The following SLC24A2 variants were observed in gnomAD, a reference collection of about 807,000 sequenced individuals.
SLC24A2 encodes the protein solute carrier family 24 member 2.
A neutral mutation model predicts 62.0 loss-of-function variants in SLC24A2; 36 were observed. The observed-to-expected ratio is 0.58, with a 90% confidence interval of 0.44 to 0.77. The LOEUF is 0.77. Ranked by LOEUF, SLC24A2 falls within the 30% of genes least tolerant of loss-of-function variation. The pLI is 0.00. For missense variants in SLC24A2, 846 were observed against 817.9 expected (o/e 1.03, Z -0.42); for synonymous variants, 358 against 294.0 (o/e 1.22, Z -2.23).
At chr9:19,988,259 T>C in the SLC24A2 span, among the ~76,000 whole-genome samples, 1 of 152,164 alleles carries the variant, frequency 6.6e-6, no homozygotes, top group Admixed American at 6.5e-5. Context: ...TTCCCTCTCC[T>C]CTTTTGTAGA....
intron 7 of SLC24A2, among the ~76,000 whole-genome samples, chr9:19,551,514 T>A (rs1424161964): frequency 6.6e-6 from 1 of 152,138 alleles, no homozygotes; most frequent in Non-Finnish European, 1.5e-5. Flanking sequence ...CCTGCTTGTT[T>A]GAAAATGAAA....
the SLC24A2 span, among the ~76,000 whole-genome samples, chr9:20,246,069 A>T: frequency 6.6e-6 from 1 of 152,216 alleles, no homozygotes; most frequent in African/African-American, 2.4e-5. Flanking sequence ...AAAAGAAATA[A>T]GATCATGTGT....
the SLC24A2 span, among the ~76,000 whole-genome samples, chr9:20,078,429 C>G: frequency 6.6e-6 from 1 of 151,104 alleles, no homozygotes; most frequent in African/African-American, 2.4e-5. Context: ...GCATAGGTTT[C>G]TGGGGCTTTT....
the SLC24A2 span, among the ~76,000 whole-genome samples, chr9:20,051,401 G>A: frequency 3.3e-5 from 5 of 151,848 alleles, no homozygotes; most frequent in African/African-American, 1.2e-4. Context: ...TCATGAAACT[G>A]GGACATTTTA....
At chr9:20,218,503 G>T in the SLC24A2 span, among the ~76,000 whole-genome samples, 8 of 152,072 alleles carry the variant, frequency 5.3e-5, no homozygotes, top group Non-Finnish European at 1.0e-4. Context: ...ACCCACCCTG[G>T]AAGAGTCTCT....
At chr9:19,824,915 C>T in the SLC24A2 span, among the ~76,000 whole-genome samples, 23 of 152,090 alleles carry the variant, frequency 1.5e-4, no homozygotes, top group Non-Finnish European at 5.9e-5. Context: ...CAAACTAACA[C>T]AGGAACAGAA....
At chr9:20,307,429 C>T in the SLC24A2 span, among the ~76,000 whole-genome samples, 1 of 152,216 alleles carries the variant, frequency 6.6e-6, no homozygotes. Flanking sequence ...CAATTCCACC[C>T]ACATTTGGGA....
the SLC24A2 span, among the ~76,000 whole-genome samples, chr9:19,944,014 A>AAAACC: frequency 2.6e-5 from 4 of 152,240 alleles, no homozygotes; most frequent in African/African-American, 9.6e-5. Context: ...GCAAGAACAG[A>AAAACC]AAACCAAATA....
Position 19,786,594 on chromosome 9 carries a change from A to G in SLC24A2, c.273T>C (p.Asn91=), listed in dbSNP as rs749341162. 1.9e-6 allele frequency: 3 copies of G among 1,614,182 alleles called. No individual in the cohort carries two copies. In the South Asian group the frequency reaches 3.3e-5, roughly 18 times the overall value. The part of the protein sequence containing the change: ...GYHQRTLLDL[N]DKILDYTPQP... ...GTGGAGTATAATCCAGAATCTTGTC[A>G]TTTAAATCTAAGAGAGTTCTCTGAT... is the stretch of plus-strand genomic sequence containing the variant. The change falls in exon 2 of 11, where the codon AAT becomes AAC. Residue 91 remains asparagine (N), a synonymous_variant. Transcript: ENST00000341998. The surrounding 1 kb of genome is among the most constrained non-coding windows in gnomAD (Gnocchi z 5.0).
the SLC24A2 span, among the ~76,000 whole-genome samples, chr9:20,288,045 C>T: frequency 1.3e-5 from 2 of 151,700 alleles, no homozygotes; most frequent in South Asian, 2.1e-4. Flanking sequence ...GAAAAAAACA[C>T]ACACACACAC....
the SLC24A2 span, among the ~76,000 whole-genome samples, chr9:19,972,477 C>T: frequency 1.3e-5 from 2 of 152,148 alleles, no homozygotes; most frequent in Non-Finnish European, 2.9e-5. Context: ...CTAACTACAA[C>T]CTTTCAAAGA....
the SLC24A2 span, among the ~76,000 whole-genome samples, chr9:20,295,053 T>TATATATATATAC: frequency 9.7e-5 from 14 of 144,424 alleles, no homozygotes; most frequent in South Asian, 4.7e-4. Flanking sequence ...TATATATATA[T>TATATATATATAC]ACACACACAC....
At chr9:19,975,900 T>TTTGTTTGTTTG in the SLC24A2 span, among the ~76,000 whole-genome samples, 1 of 150,898 alleles carries the variant, frequency 6.6e-6, no homozygotes, top group African/African-American at 2.4e-5. Context: ...AAACATACGT[T>TTTGTTTGTTTG]TTTGTTTGTT....
chr9:20,283,751 A>AGG, the SLC24A2 span, among the ~76,000 whole-genome samples: 109 of 79,940 alleles, frequency 1.4e-3, no homozygotes, highest in African/African-American at 3.7e-3. Context: ...AGAAAAAAAA[A>AGG]GGGGGGGGGG....
At chr9:19,569,314 C>A (rs1477883029) in intron 7 of SLC24A2, among the ~76,000 whole-genome samples, 1 of 152,178 alleles carries the variant, frequency 6.6e-6, no homozygotes, top group Non-Finnish European at 1.5e-5. Flanking sequence ...AATCCTGGAA[C>A]CACAGGTTCT....
At chr9:19,672,709 T>A (rs1051385510) in intron 2 of SLC24A2, among the ~76,000 whole-genome samples, 1 of 146,426 alleles carries the variant, frequency 6.8e-6, no homozygotes, top group Non-Finnish European at 1.5e-5. Context: ...CTTTGCTGTA[T>A]CCCAGAGGTT....
the SLC24A2 span, among the ~76,000 whole-genome samples, chr9:20,104,145 G>C: frequency 2.6e-5 from 4 of 152,218 alleles, no homozygotes; most frequent in African/African-American, 9.6e-5. Context: ...GGGAAGTTTA[G>C]AGAAAAAATA....
chr9:20,039,516 G>T, the SLC24A2 span, among the ~76,000 whole-genome samples: 3 of 152,006 alleles, frequency 2.0e-5, no homozygotes, highest in African/African-American at 7.2e-5. Flanking sequence ...CAACTATATT[G>T]GGAAGAATTT....
chr9:20,242,463 T>C, the SLC24A2 span, among the ~76,000 whole-genome samples: 5 of 152,218 alleles, frequency 3.3e-5, no homozygotes, highest in Admixed American at 1.3e-4. Context: ...GTGCTTCATA[T>C]GTTCAGAATT....
Sources: allele counts gnomAD v4.1 joint callset (sites outside exome capture counted in the v4.1 genomes callset), GRCh38; gene constraint gnomAD v4.1.1; non-coding constraint Gnocchi (gnomAD v3.1); transcripts MANE v1.5; gene names NCBI Gene and HGNC (gene_info 2026-07-23, HGNC 2026-07-21).